PHF20: variants seen among roughly 807,000 people sequenced by gnomAD.
PHF20 encodes the protein glioma-expressed antigen 2.
Under a neutral mutation model 113.5 loss-of-function variants are expected in PHF20, and 23 were observed. That is an observed-to-expected ratio of 0.20 (90% CI 0.15 to 0.29). The LOEUF (loss-of-function observed/expected upper bound fraction) is 0.29. Ranked by LOEUF, PHF20 falls within the 10% of genes least tolerant of loss-of-function variation. The pLI is 1.00. For missense variants in PHF20, 943 were observed against 1,219.6 expected (o/e 0.77, Z 3.38); for synonymous variants, 434 against 457.3 (o/e 0.95, Z 0.65).
chr20:35,911,277 C>T (rs1299619160), intron 10 of PHF20, among the ~76,000 whole-genome samples: 2 of 151,704 alleles, frequency 1.3e-5, no homozygotes, highest in African/African-American at 2.4e-5. Context: ...CTCCTGACCT[C>T]GTGATCCGCC....
chr20:35,828,309 C>G (rs1245326413), intron 2 of PHF20, among the ~76,000 whole-genome samples: 2 of 152,148 alleles, frequency 1.3e-5, no homozygotes, highest in Non-Finnish European at 1.5e-5. Flanking sequence ...TAGGTGTGAG[C>G]CACCGCGCCC....
intron 9 of PHF20, among the ~76,000 whole-genome samples, chr20:35,889,571 C>T (rs2054809849): frequency 6.6e-6 from 1 of 151,856 alleles, no homozygotes; most frequent in Non-Finnish European, 1.5e-5. Flanking sequence ...CCATGTTGGC[C>T]AGGCTGGTCT....
At chr20:35,851,642 G>A (rs1049643417) in intron 4 of PHF20, among the ~76,000 whole-genome samples, 8 of 147,074 alleles carry the variant, frequency 5.4e-5, no homozygotes, top group Non-Finnish European at 7.5e-5. Flanking sequence ...CTGGCCAGGC[G>A]CAGTGGCTTA....
intron 10 of PHF20, among the ~76,000 whole-genome samples, chr20:35,911,089 G>A (rs1188277825): frequency 1.3e-5 from 2 of 152,018 alleles, no homozygotes; most frequent in South Asian, 2.1e-4. Context: ...CGCCCAGGCT[G>A]GAGTGCAGTG....
At chr20:35,821,206 T>C (rs1418376668) in intron 2 of PHF20, among the ~76,000 whole-genome samples, 1 of 151,988 alleles carries the variant, frequency 6.6e-6, no homozygotes, top group Non-Finnish European at 1.5e-5. Flanking sequence ...CCCAGCAGTT[T>C]GGGAGGCCGA....
chr20:35,831,401 CAG>C (rs2042356616), intron 2 of PHF20, among the ~76,000 whole-genome samples: 1 of 152,146 alleles, frequency 6.6e-6, no homozygotes, highest in South Asian at 2.1e-4. Context: ...CTCCTGGGCT[CAG>C]GGGATCCTCC....
intron 10 of PHF20, among the ~76,000 whole-genome samples, chr20:35,911,815 C>T (rs562040713): frequency 1.9e-4 from 29 of 151,056 alleles, no homozygotes; most frequent in African/African-American, 6.1e-4. Flanking sequence ...TCTGCCACCA[C>T]GCCTGACTAA....
intron 4 of PHF20, among the ~76,000 whole-genome samples, chr20:35,855,760 A>G (rs999738475): frequency 3.3e-5 from 5 of 152,052 alleles, no homozygotes; most frequent in South Asian, 2.1e-4. Context: ...TGCAACCTCC[A>G]CTTCCTGGGT....
chr20:35,809,990 C>T (rs1050600261), intron 2 of PHF20, among the ~76,000 whole-genome samples: 2 of 152,052 alleles, frequency 1.3e-5, no homozygotes, highest in East Asian at 1.9e-4. Flanking sequence ...AGTGCAGTGG[C>T]GCGATCTCAG....
intron 1 of PHF20, among the ~76,000 whole-genome samples, chr20:35,793,911 G>C (rs2041610550): frequency 6.7e-6 from 1 of 149,524 alleles, no homozygotes; most frequent in Non-Finnish European, 1.5e-5. Flanking sequence ...GGCAGGAGAT[G>C]CTTGAACCTG....
intron 9 of PHF20, among the ~76,000 whole-genome samples, chr20:35,886,004 C>T (rs954173441): frequency 6.6e-6 from 1 of 151,924 alleles, no homozygotes; most frequent in South Asian, 2.1e-4. Flanking sequence ...AATCTCACTT[C>T]TTTCCTTCCT....
chr20:35,790,244 C>G (rs1202396856), intron 1 of PHF20, among the ~76,000 whole-genome samples: 2 of 151,438 alleles, frequency 1.3e-5, no homozygotes, highest in Non-Finnish European at 2.9e-5. Context: ...TCTGTCATCC[C>G]GGCTGGAGTG....
intron 15 of PHF20, among the ~76,000 whole-genome samples, chr20:35,938,307 G>A (rs1163076710): frequency 6.6e-6 from 1 of 152,202 alleles, no homozygotes; most frequent in Admixed American, 6.5e-5. Flanking sequence ...TGGCCAAGAG[G>A]AGGGGTCCAT....
intron 2 of PHF20, among the ~76,000 whole-genome samples, chr20:35,807,401 A>AAAGTGCAG (rs1569129460): frequency 7.1e-6 from 1 of 141,556 alleles, no homozygotes; most frequent in East Asian, 2.1e-4. Flanking sequence ...CACCCAGGCT[A>AAAGTGCAG]AAGTGCAGTA....
At chr20:35,943,066 G>A (rs62213160) in intron 17 of PHF20, among the ~76,000 whole-genome samples, 48 of 152,184 alleles carry the variant, frequency 3.2e-4, no homozygotes, top group East Asian at 1.9e-3. Flanking sequence ...CTCATGATCC[G>A]CCCACCTTGG....
chr20:35,790,245 G>A (rs935809366), intron 1 of PHF20, among the ~76,000 whole-genome samples: 3 of 151,488 alleles, frequency 2.0e-5, no homozygotes, highest in Admixed American at 6.6e-5. Context: ...CTGTCATCCC[G>A]GCTGGAGTGC....
At chr20:35,803,737 TA>T (rs1307317594) in intron 2 of PHF20, among the ~76,000 whole-genome samples, 12 of 150,296 alleles carry the variant, frequency 8.0e-5, no homozygotes, top group African/African-American at 2.7e-4. Context: ...TGTGTATATA[TA>T]TTATATATTG....
chr20:35,835,274 C>CA (rs891527726), intron 2 of PHF20, among the ~76,000 whole-genome samples: 22 of 146,936 alleles, frequency 1.5e-4, no homozygotes, highest in Non-Finnish European at 2.4e-4. Flanking sequence ...GATGCCATCT[C>CA]AAAAAAAAAG....
At chr20:35,936,919 C>A (rs920865717) in intron 15 of PHF20, among the ~76,000 whole-genome samples, 1 of 152,124 alleles carries the variant, frequency 6.6e-6, no homozygotes, top group Non-Finnish European at 1.5e-5. Flanking sequence ...AATATGAGGA[C>A]CTTGACTTGT....
Sources: allele counts gnomAD v4.1 joint callset (sites outside exome capture counted in the v4.1 genomes callset), GRCh38; gene constraint gnomAD v4.1.1; transcripts MANE v1.5; gene names NCBI Gene and HGNC (gene_info 2026-07-23, HGNC 2026-07-21).